The following SERINC5 variants were observed in gnomAD, a reference collection of about 807,000 sequenced individuals.
SERINC5 encodes serine incorporator 5.
SERINC5 carries 41 observed loss-of-function variants against 63.1 expected under a neutral mutation model. That is an observed-to-expected ratio of 0.65 (90% CI 0.51 to 0.84). The LOEUF (loss-of-function observed/expected upper bound fraction) is 0.84, where lower values mean the gene tolerates loss of function less well. SERINC5 is among the 40% of genes least tolerant of loss of function. The pLI is 0.00. For synonymous variants in SERINC5, 222 were observed against 215.2 expected (o/e 1.03, Z -0.28); for missense variants, 523 against 573.0 (o/e 0.91, Z 0.89).
At chr5:80,145,978 C>T (rs1745795413) in intron 11 of SERINC5, 112 bp downstream of exon 11, 1 of 1,193,880 alleles carries the variant, frequency 8.4e-7, no homozygotes, top group South Asian at 1.4e-5. Flanking sequence ...CCACTGCACT[C>T]CAGCCTGGGC....
At chr5:80,152,491 CAAA>C (rs199692612) in intron 8 of SERINC5, among the ~76,000 whole-genome samples, 19 of 99,984 alleles carry the variant, frequency 1.9e-4, no homozygotes, top group Non-Finnish European at 2.0e-4. Context: ...GACCCTGTCT[CAAA>C]AAAAAAAAAA....
At chr5:80,247,723 G>A (rs1752225963) in intron 1 of SERINC5, among the ~76,000 whole-genome samples, 1 of 152,186 alleles carries the variant, frequency 6.6e-6, no homozygotes, top group African/African-American at 2.4e-5. Context: ...TCACCAGTGA[G>A]CTATACAGAG....
intron 1 of SERINC5, among the ~76,000 whole-genome samples, chr5:80,246,277 G>A (rs1163703630): frequency 6.6e-6 from 1 of 151,980 alleles, no homozygotes; most frequent in Non-Finnish European, 1.5e-5. Context: ...TAATGTGAGT[G>A]CAAAAACAAA....
intron 11 of SERINC5, 71 bp downstream of exon 11, chr5:80,146,019 A>C: frequency 5.8e-6 from 9 of 1,539,422 alleles, no homozygotes; most frequent in South Asian, 1.1e-5. Flanking sequence ...CAAACAAACA[A>C]ACACGAACAG....
rs2112280202 is a variant in SERINC5 at position 80,139,998 on chromosome 5, A to C, written c.*3665T>G. ...TTCCTTCGCAGGAAGGTGAAGCACCAATGATGGCAAAAATTAAATAAATAC... is the reference window on the plus strand; with the variant it reads ...TTCCTTCGCAGGAAGGTGAAGCACCCATGATGGCAAAAATTAAATAAATAC... On this transcript the variant is annotated 3_prime_UTR_variant, in exon 12 of 12. Coordinates refer to ENST00000507668, the MANE Select transcript of SERINC5 (RefSeq NM_001174072.3). The C allele has an allele frequency of 1.0e-6, 1 of 985,398 alleles. No homozygotes were observed. Among genetic ancestry groups the C allele is most frequent in the South Asian group, 4.7e-5 (1 of 21,288 alleles). The allele number at this position is 985,398 out of a possible 1,614,324, so 61.0% of individuals were successfully genotyped here.
intron 2 of SERINC5, among the ~76,000 whole-genome samples, chr5:80,190,106 C>CTTTTT (rs11422784): frequency 1.7e-4 from 16 of 93,212 alleles, no homozygotes; most frequent in South Asian, 3.6e-4. Flanking sequence ...GTCTCCCGTA[C>CTTTTT]TTTTTTTTTT....
At chr5:80,198,566 A>G in intron 2 of SERINC5, 1 of 985,416 alleles carries the variant, frequency 1.0e-6, no homozygotes, top group African/African-American at 1.7e-5. Context: ...CCGGGCCGTT[A>G]CAAGCATGCA....
intron 11 of SERINC5, among the ~76,000 whole-genome samples, chr5:80,133,516 A>G (rs1354156189): frequency 1.3e-5 from 2 of 152,234 alleles, no homozygotes; most frequent in Non-Finnish European, 2.9e-5. Context: ...ACGTACAGAA[A>G]GAGATAAACT....
intron 2 of SERINC5, among the ~76,000 whole-genome samples, chr5:80,200,736 T>A (rs537348126): frequency 1.3e-5 from 2 of 152,210 alleles, no homozygotes; most frequent in South Asian, 2.1e-4. Flanking sequence ...TTTTAATGAA[T>A]AAGAATATAC....
chr5:80,239,972 C>T (rs1235487290), intron 1 of SERINC5, among the ~76,000 whole-genome samples: 2 of 152,196 alleles, frequency 1.3e-5, no homozygotes, highest in African/African-American at 4.8e-5. Flanking sequence ...AGACAGCTAA[C>T]AGGAGCAAGG....
chr5:80,225,090 G>A (rs1043708535), intron 1 of SERINC5, among the ~76,000 whole-genome samples: 3 of 151,818 alleles, frequency 2.0e-5, no homozygotes, highest in Non-Finnish European at 2.9e-5. Context: ...ACAGGGGCAC[G>A]CCACCACACC....
At chr5:80,129,901 A>G (rs1580028695) in intron 11 of SERINC5, among the ~76,000 whole-genome samples, 1 of 152,290 alleles carries the variant, frequency 6.6e-6, no homozygotes, top group South Asian at 2.1e-4. Flanking sequence ...GTGCCAGGCA[A>G]TTTAAGCCAC....
intron 11 of SERINC5, among the ~76,000 whole-genome samples, chr5:80,113,951 C>G (rs1744234417): frequency 6.6e-6 from 1 of 151,980 alleles, no homozygotes; most frequent in African/African-American, 2.4e-5. Context: ...GCCTTTGCTG[C>G]CAGACTCTGG....
chr5:80,142,443 G>A lies in SERINC5; in HGVS notation c.*1220C>T. The A allele has an allele frequency of 1.1e-6, 1 of 950,374 alleles. No homozygotes were observed. Among genetic ancestry groups the A allele is most frequent in the Non-Finnish European group, 1.3e-6 (1 of 798,060 alleles). 58.9% of individuals were successfully genotyped at this position (950,374 alleles called of 1,614,324 possible). On this transcript the variant is annotated 3_prime_UTR_variant, in exon 12 of 12. Coordinates refer to ENST00000507668, the MANE Select transcript of SERINC5 (RefSeq NM_001174072.3). ...AGACAGGGTTTCACCATGTTAGCCA[G>A]GCTGGTCTTGCAACTCCTGACCTCA...
chr5:80,241,281 C>T lies in SERINC5; in HGVS notation c.27+14615G>A, dbSNP rs150004155. On this transcript the variant is annotated intron_variant, in intron 1 of 11. Transcript: ENST00000507668. The stretch of plus-strand genomic sequence containing the variant: ...GTCAGGAGATCGAGACCATCCTGGC[C>T]AACACAATGAAACCCCATCTCTACT... 3.3e-3 allele frequency among the ~76,000 whole-genome samples: 505 copies of T among 151,838 alleles called. 3 individuals carry two copies. The highest frequency in any genetic ancestry group is 7.2e-3 in the Admixed American group (109 of 15,244).
At chr5:80,167,407 A>T (rs1355379438) in intron 6 of SERINC5, among the ~76,000 whole-genome samples, 1 of 152,198 alleles carries the variant, frequency 6.6e-6, no homozygotes, top group Admixed American at 6.5e-5. Context: ...TGCAAAGGAC[A>T]TGATCTCTTT....
At chr5:80,173,582 C>T (rs1292219718) in intron 5 of SERINC5, among the ~76,000 whole-genome samples, 1 of 151,778 alleles carries the variant, frequency 6.6e-6, no homozygotes, top group Non-Finnish European at 1.5e-5. Flanking sequence ...GGCGACAGAA[C>T]GAGACTCTGT....
At chr5:80,123,851 T>C (rs1744638870) in intron 11 of SERINC5, among the ~76,000 whole-genome samples, 1 of 152,214 alleles carries the variant, frequency 6.6e-6, no homozygotes, top group Non-Finnish European at 1.5e-5. Context: ...CCTGTAATAA[T>C]GCTTCCTGGC....
At chr5:80,175,350 A>T (rs1320007487) in intron 4 of SERINC5, among the ~76,000 whole-genome samples, 2 of 152,210 alleles carry the variant, frequency 1.3e-5, no homozygotes, top group African/African-American at 2.4e-5. Context: ...ACCCTAATAG[A>T]TGCCCTAATT....
Sources: gnomAD v4.1 joint callset for allele counts (sites outside exome capture counted in the v4.1 genomes callset) on GRCh38, gnomAD v4.1.1 for gene constraint, MANE v1.5 for transcripts, NCBI Gene and HGNC (gene_info 2026-07-23, HGNC 2026-07-21) for gene names.